The following TLK2 variants were observed in gnomAD, a reference collection of about 807,000 sequenced individuals.
TLK2 encodes serine/threonine-protein kinase tousled-like 2.
Under a neutral mutation model 117.3 loss-of-function variants are expected in TLK2, and 6 were observed. The ratio of observed to expected loss-of-function variants is 0.05; its 90% CI spans 0.03 to 0.10. TLK2 has a LOEUF of 0.10. Ranked by LOEUF, TLK2 falls within the 10% of genes least tolerant of loss-of-function variation. The probability of loss-of-function intolerance (pLI) is 1.00; values close to 1 mark genes in which losing one functional copy is unlikely to be tolerated. For synonymous variants in TLK2, 257 were observed against 316.7 expected (o/e 0.81, Z 2.00); for missense variants, 299 against 901.2 (o/e 0.33, Z 8.56).
chr17:62,588,795 G>T (rs1216617785), intron 16 of TLK2, among the ~76,000 whole-genome samples: 1 of 152,104 alleles, frequency 6.6e-6, no homozygotes, highest in Non-Finnish European at 1.5e-5. Flanking sequence ...AGAAAATGGC[G>T]AATTGACAAA....
chr17:62,490,700 C>T (rs150178304), intron 2 of TLK2, among the ~76,000 whole-genome samples: 33 of 152,196 alleles, frequency 2.2e-4, no homozygotes, highest in Non-Finnish European at 3.1e-4. Flanking sequence ...CGCCACCGCA[C>T]GCAGCTAATT....
At chr17:62,483,677 A>G (rs1477649670) in intron 2 of TLK2, among the ~76,000 whole-genome samples, 6 of 151,882 alleles carry the variant, frequency 4.0e-5, no homozygotes, top group Admixed American at 3.9e-4. Flanking sequence ...TAATTTTTGT[A>G]TTTTTAGTAG....
At chr17:62,589,899 T>C (rs2081945250) in intron 16 of TLK2, among the ~76,000 whole-genome samples, 1 of 151,760 alleles carries the variant, frequency 6.6e-6, no homozygotes, top group Non-Finnish European at 1.5e-5. Context: ...CTCCGCCTCC[T>C]GGGTTCACGC....
intron 7 of TLK2, chr17:62,551,974 A>G: frequency 2.9e-6 from 1 of 343,580 alleles, no homozygotes; most frequent in South Asian, 2.4e-5. Context: ...TTCTGACTAA[A>G]GCATATGAAA....
rs186558465 is a variant in TLK2 at position 62,572,003 on chromosome 17, A to G, written c.969-1212A>G. On this transcript the variant is annotated intron_variant, in intron 11 of 21. Transcript: ENST00000346027. ...GCCAACATGATGAAACCCTGTCTCT[A>G]CTAAAACAATACAAAAATTAACTGG... Among the ~76,000 whole-genome samples, 213 of 152,030 alleles carry G rather than the reference A, an allele frequency of 1.4e-3. 1 individual carries two copies. Among genetic ancestry groups the G allele is most frequent in the Non-Finnish European group, 2.1e-3 (145 of 67,968 alleles).
chr17:62,591,956 C>CT (rs1015103461), intron 16 of TLK2, among the ~76,000 whole-genome samples: 202 of 145,510 alleles, frequency 1.4e-3, no homozygotes, highest in East Asian at 2.6e-3. Flanking sequence ...ATTCTTTCTT[C>CT]TTTTTTTTTT....
chr17:62,541,168 C>T (rs2077504084), intron 7 of TLK2, among the ~76,000 whole-genome samples: 1 of 152,298 alleles, frequency 6.6e-6, no homozygotes, highest in Middle Eastern at 3.4e-3. Flanking sequence ...AACTTCTCCC[C>T]ACCCATCCCA....
intron 13 of TLK2, 104 bp from the exon 14 acceptor site, chr17:62,578,373 C>CT: frequency 1.2e-6 from 1 of 849,856 alleles, no homozygotes; most frequent in South Asian, 1.5e-5. Flanking sequence ...AAGCACCTTC[C>CT]TTTAGCCTTT....
intron 8 of TLK2, among the ~76,000 whole-genome samples, chr17:62,552,774 C>G (rs1336802295): frequency 1.3e-5 from 2 of 151,320 alleles, no homozygotes; most frequent in African/African-American, 4.9e-5. Context: ...TACAAATCAT[C>G]TGTGAAAATA....
At chr17:62,476,246 C>T (rs966682628), upstream of TLK2, among the ~76,000 whole-genome samples, 2 of 152,052 alleles carry the variant, frequency 1.3e-5, no homozygotes, top group African/African-American at 4.8e-5. Context: ...TCCCAGAGTG[C>T]TGGGATTACA....
intron 21 of TLK2, among the ~76,000 whole-genome samples, chr17:62,610,544 G>A (rs1321365667): frequency 2.0e-5 from 3 of 152,138 alleles, no homozygotes; most frequent in Non-Finnish European, 2.9e-5. Flanking sequence ...TTTTTTGATG[G>A]CATGGTTAGG....
upstream of TLK2, among the ~76,000 whole-genome samples, chr17:62,478,809 T>C (rs891826467): frequency 1.4e-5 from 2 of 143,986 alleles, no homozygotes; most frequent in African/African-American, 5.0e-5. Flanking sequence ...GTTTCACTAG[T>C]GTGTTTACAC....
chr17:62,528,616 C>T (rs536220499), intron 6 of TLK2, among the ~76,000 whole-genome samples: 311 of 152,162 alleles, frequency 2.0e-3, no homozygotes, highest in African/African-American at 7.2e-3. Context: ...GAGGTTTCGC[C>T]ATGTTGGCCA....
Position 62,473,100 on chromosome 17 carries a change from C to T in TLK2, c.-205+2022C>T, listed in dbSNP as rs1200387829. 6.6e-5 allele frequency among the ~76,000 whole-genome samples: 10 copies of T among 152,230 alleles called. No individual in the cohort carries two copies. In the South Asian group the frequency reaches 1.0e-3, roughly 16 times the overall value. ...CAGGTCATGTCTCCTGGTGTGTTTGCGTACAGGCTGTGGGGCTGGGGGGAA... is the reference window on the plus strand; with the variant it reads ...CAGGTCATGTCTCCTGGTGTGTTTGTGTACAGGCTGTGGGGCTGGGGGGAA... On this transcript the variant is annotated intron_variant, in intron 1 of 4. Transcript: ENST00000579450.
At chr17:62,537,700 C>T (rs1356296835) in intron 7 of TLK2, among the ~76,000 whole-genome samples, 1 of 152,122 alleles carries the variant, frequency 6.6e-6, no homozygotes, top group African/African-American at 2.4e-5. Context: ...CATTATCTTA[C>T]TTGTTTTTAT....
intron 18 of TLK2, among the ~76,000 whole-genome samples, chr17:62,601,401 A>G (rs151189381): frequency 1.4e-3 from 208 of 152,336 alleles, no homozygotes; most frequent in African/African-American, 4.8e-3. Flanking sequence ...CATTAGGAAG[A>G]TGGTCCACAT....
intron 11 of TLK2, among the ~76,000 whole-genome samples, chr17:62,569,378 A>T (rs1182208740): frequency 6.6e-6 from 1 of 151,816 alleles, no homozygotes; most frequent in African/African-American, 2.4e-5. Flanking sequence ...TCAGAGATGA[A>T]ATAGATAACA....
chr17:62,544,483 A>G (rs951171871), intron 7 of TLK2, among the ~76,000 whole-genome samples: 18 of 152,206 alleles, frequency 1.2e-4, no homozygotes, highest in African/African-American at 2.9e-4. Flanking sequence ...TCGTGATCCA[A>G]TCAGCTCCCA....
At chr17:62,544,877 A>G (rs62076083) in intron 7 of TLK2, among the ~76,000 whole-genome samples, 4,752 of 152,292 alleles carry the variant, frequency 0.031, 104 homozygotes, top group Middle Eastern at 0.058. Flanking sequence ...TCTTTCAACA[A>G]TGTTTTGCAA....
Sources: allele counts gnomAD v4.1 joint callset (sites outside exome capture counted in the v4.1 genomes callset), GRCh38; gene constraint gnomAD v4.1.1; transcripts MANE v1.5; gene names NCBI Gene and HGNC (gene_info 2026-07-23, HGNC 2026-07-21).